PDGFD: variants seen among roughly 807,000 people sequenced by gnomAD.
PDGFD encodes platelet derived growth factor D, also known as platelet-derived growth factor D.
PDGFD carries 30 observed loss-of-function variants against 44.7 expected under a neutral mutation model. That is an observed-to-expected ratio of 0.67 (90% confidence interval 0.50 to 0.91). The LOEUF (loss-of-function observed/expected upper bound fraction) is 0.91. Among genes scored for constraint, PDGFD ranks in the 40% least tolerant of loss-of-function variants. The pLI is 0.00. For missense variants in PDGFD, 445 were observed against 457.8 expected, an observed-to-expected ratio of 0.97 and a Z score of 0.25; for synonymous variants, 173 against 168.4, an observed-to-expected ratio of 1.03 and a Z score of -0.21.
At chr11:104,073,308 A>C (rs1470064197) in intron 1 of PDGFD, among the ~76,000 whole-genome samples, 1 of 152,188 alleles carries the variant, frequency 6.6e-6, no homozygotes, top group African/African-American at 2.4e-5. Context: ...ATGCTACATA[A>C]ATAAATAGGA....
chr11:103,995,968 G>A (rs1292848829), intron 3 of PDGFD, 97 bp downstream of exon 3: 2 of 1,086,910 alleles, frequency 1.8e-6, no homozygotes, highest in South Asian at 1.6e-5. Flanking sequence ...AACTAATAAA[G>A]TTCACTCACC....
At chr11:103,996,563 G>T (rs1394860893) in intron 2 of PDGFD, among the ~76,000 whole-genome samples, 2 of 152,076 alleles carry the variant, frequency 1.3e-5, no homozygotes, top group Non-Finnish European at 2.9e-5. Flanking sequence ...ATCTGTAATT[G>T]CTGGCATATT....
At chr11:104,130,827 C>T (rs1459532012) in intron 1 of PDGFD, among the ~76,000 whole-genome samples, 1 of 152,146 alleles carries the variant, frequency 6.6e-6, no homozygotes, top group Non-Finnish European at 1.5e-5. Context: ...TTTTTACAGA[C>T]CTTCTAACCT....
intron 1 of PDGFD, among the ~76,000 whole-genome samples, chr11:104,001,043 T>A (rs1859611835): frequency 6.6e-6 from 1 of 152,134 alleles, no homozygotes; most frequent in Non-Finnish European, 1.5e-5. Flanking sequence ...AACTTTAGGA[T>A]GGGGGTCGGC....
chr11:104,067,936 A>G (rs1335099343), intron 1 of PDGFD, among the ~76,000 whole-genome samples: 1 of 152,210 alleles, frequency 6.6e-6, no homozygotes, highest in Non-Finnish European at 1.5e-5. Context: ...AATAATGCTA[A>G]TAAGACTGCA....
At chr11:104,023,972 A>G (rs1273053672) in intron 1 of PDGFD, among the ~76,000 whole-genome samples, 1 of 152,160 alleles carries the variant, frequency 6.6e-6, no homozygotes, top group Non-Finnish European at 1.5e-5. Context: ...ACTGACTTGC[A>G]TTAATATGAT....
chr11:104,017,015 T>G (rs186322338), intron 1 of PDGFD, among the ~76,000 whole-genome samples: 4 of 152,260 alleles, frequency 2.6e-5, no homozygotes, highest in African/African-American at 7.2e-5. Context: ...GGTGATGGTA[T>G]TAGGAGGTGA....
chr11:103,962,816 C>T (rs796381039), intron 3 of PDGFD, among the ~76,000 whole-genome samples: 1 of 152,124 alleles, frequency 6.6e-6, no homozygotes, highest in African/African-American at 2.4e-5. Flanking sequence ...AGATAATTCA[C>T]ATGAAACTAT....
At chr11:104,003,051 C>A (rs1433182927) in intron 1 of PDGFD, among the ~76,000 whole-genome samples, 2 of 152,074 alleles carry the variant, frequency 1.3e-5, no homozygotes, top group Admixed American at 1.3e-4. Flanking sequence ...TATGTTAGAT[C>A]TGGATAGAAT....
chr11:104,124,190 T>C (rs1861813008), intron 1 of PDGFD, among the ~76,000 whole-genome samples: 1 of 151,974 alleles, frequency 6.6e-6, no homozygotes, highest in Non-Finnish European at 1.5e-5. Context: ...AGAAAGGTCC[T>C]AAACAGAATT....
chr11:103,971,762 G>T (rs1382264754), intron 3 of PDGFD, among the ~76,000 whole-genome samples: 7 of 152,156 alleles, frequency 4.6e-5, no homozygotes, highest in Non-Finnish European at 4.4e-5. Context: ...CCACTGTAAA[G>T]CCGTTTCTTA....
At chr11:104,063,315 T>C (rs1860740817) in intron 1 of PDGFD, among the ~76,000 whole-genome samples, 1 of 151,630 alleles carries the variant, frequency 6.6e-6, no homozygotes, top group South Asian at 2.1e-4. Context: ...GACGTGTGTG[T>C]GTGTGAGAGA....
At chr11:104,054,036 A>G (rs1680185743) in intron 1 of PDGFD, among the ~76,000 whole-genome samples, 1 of 152,202 alleles carries the variant, frequency 6.6e-6, no homozygotes, top group African/African-American at 2.4e-5. Context: ...ACTTGCTGGA[A>G]GCCCACAGCG....
chr11:104,000,377 T>G, intron 1 of PDGFD, 122 bp from the exon 2 acceptor site: 1 of 869,714 alleles, frequency 1.1e-6, no homozygotes, highest in East Asian at 2.5e-5. Context: ...CTAAAAACAT[T>G]AAGTCTAAAT....
At chr11:103,956,399 T>TC (rs1858850153) in intron 3 of PDGFD, among the ~76,000 whole-genome samples, 1 of 145,124 alleles carries the variant, frequency 6.9e-6, no homozygotes, top group South Asian at 2.2e-4. Flanking sequence ...AACTCATCAT[T>TC]TTTATGGCTG....
chr11:104,015,799 C>T (rs866651786), intron 1 of PDGFD, among the ~76,000 whole-genome samples: 2 of 152,090 alleles, frequency 1.3e-5, no homozygotes, highest in African/African-American at 2.4e-5. Flanking sequence ...TAGCCATTCA[C>T]CCATTTTCCA....
At chr11:103,957,448 G>A (rs1050783775) in intron 3 of PDGFD, among the ~76,000 whole-genome samples, 13 of 152,068 alleles carry the variant, frequency 8.5e-5, no homozygotes, top group Non-Finnish European at 1.6e-4. Context: ...GAGGCATCAC[G>A]CTACCTGACT....
chr11:103,915,927 A>T (rs1400784487), intron 6 of PDGFD, among the ~76,000 whole-genome samples: 2 of 152,246 alleles, frequency 1.3e-5, no homozygotes, highest in African/African-American at 4.8e-5. Context: ...CTTACACCTT[A>T]TACAAAAGTT....
intron 1 of PDGFD, among the ~76,000 whole-genome samples, chr11:104,113,063 A>G (rs74484487): frequency 0.014 from 2,156 of 152,284 alleles, 36 homozygotes; most frequent in African/African-American, 0.048. Flanking sequence ...CAATACCAAA[A>G]GAGGATATTA....
Sources: allele counts gnomAD v4.1 joint callset (sites outside exome capture counted in the v4.1 genomes callset), GRCh38; gene constraint gnomAD v4.1.1; transcripts MANE v1.5; gene names NCBI Gene and HGNC (gene_info 2026-07-23, HGNC 2026-07-21).